The following PRKN variants were observed in gnomAD, a reference collection of about 807,000 sequenced individuals.
PRKN encodes the protein E3 ubiquitin-protein ligase parkin.
Under a neutral mutation model 59.5 loss-of-function variants are expected in PRKN, and 56 were observed. The ratio of observed to expected loss-of-function variants is 0.94; its 90% CI spans 0.76 to 1.18. PRKN has a LOEUF of 1.18. PRKN is among the 50% of genes most tolerant of loss of function. The pLI, the probability that PRKN is intolerant of heterozygous loss-of-function variation, is 0.00. For missense variants in PRKN, 657 were observed against 596.4 expected (o/e 1.10, Z -1.06); for synonymous variants, 250 against 222.1 (o/e 1.13, Z -1.12).
In PRKN at chr6:162,130,790, C is replaced by T. The variant is rs150176347; in HGVS notation, c.534+70341G>A. On this transcript the variant is annotated intron_variant, in intron 4 of 11. Coordinates refer to ENST00000366898, the MANE Select transcript of PRKN (RefSeq NM_004562.3). ...TGTGATACAAGGACATTTATTTCTT[C>T]CTAAACTTAAATTTTCTTATCTGTA... Among the ~76,000 whole-genome samples the T allele has an allele frequency of 9.9e-3, 1,503 of 152,120 alleles. 20 individuals carry two copies. The highest frequency in any genetic ancestry group is 0.013 in the Non-Finnish European group (903 of 68,002).
At chr6:162,705,971 C>T (rs764050258) in intron 1 of PRKN, among the ~76,000 whole-genome samples, 12 of 152,118 alleles carry the variant, frequency 7.9e-5, no homozygotes, top group Non-Finnish European at 1.3e-4. Context: ...AGCAGAAACA[C>T]GGCTTTCTCA....
intron 1 of PRKN, among the ~76,000 whole-genome samples, chr6:162,594,402 ATTAATT>A (rs1430612006): frequency 5.9e-5 from 9 of 152,306 alleles, no homozygotes; most frequent in African/African-American, 1.7e-4. Flanking sequence ...ATCCACTATT[ATTAATT>A]TTAAAAATAC....
chr6:162,578,278 A>C (rs1780643398), intron 1 of PRKN, among the ~76,000 whole-genome samples: 1 of 152,158 alleles, frequency 6.6e-6, no homozygotes, highest in Non-Finnish European at 1.5e-5. Flanking sequence ...CCTCTGTTTT[A>C]ATTAAAAATA....
chr6:161,607,107 G>A (rs1000085584), intron 7 of PRKN, among the ~76,000 whole-genome samples: 3 of 152,132 alleles, frequency 2.0e-5, no homozygotes, highest in Admixed American at 1.3e-4. Flanking sequence ...CACTGGGCAG[G>A]ACATTATTGT....
intron 4 of PRKN, among the ~76,000 whole-genome samples, chr6:162,199,757 T>G (rs145548168): frequency 1.5e-4 from 23 of 152,286 alleles, no homozygotes; most frequent in African/African-American, 5.5e-4. Context: ...TTCATCAAAG[T>G]GAAACACTGA....
chr6:161,899,015 G>A (rs540581132), intron 6 of PRKN, among the ~76,000 whole-genome samples: 1 of 152,350 alleles, frequency 6.6e-6, no homozygotes, highest in South Asian at 2.1e-4. Flanking sequence ...GGGCTCCTCT[G>A]CCCAAAGCAT....
In PRKN at chr6:161,362,162, C is replaced by T. The variant is rs1177436827; in HGVS notation, c.1168-1957G>A. ...ATTTCAAAATGCCATTTTTTAGCAA[C>T]ATGGCATACTGCATGTGAAGGGCAA... On this transcript the variant is annotated intron_variant, in intron 10 of 11. Coordinates refer to ENST00000366898, the MANE Select transcript of PRKN (RefSeq NM_004562.3). The surrounding 1 kb of genome is among the most constrained non-coding windows in gnomAD (Gnocchi z 5.2). 2.0e-5 allele frequency among the ~76,000 whole-genome samples: 3 copies of T among 152,176 alleles called. No individual in the cohort carries two copies. The highest frequency in any genetic ancestry group is 7.2e-5 in the African/African-American group (3 of 41,454).
In PRKN at chr6:161,545,498, G is replaced by A. The variant is rs1779765060; in HGVS notation, c.1083+3356C>T. 8.3e-7 allele frequency: 1 copy of A among 1,199,446 alleles called. No homozygotes were observed. The highest frequency in any genetic ancestry group is 1.2e-5 in the South Asian group (1 of 80,872). The allele number at this position is 1,199,446 out of a possible 1,614,324, so 74.3% of individuals were successfully genotyped here. A position where few individuals can be genotyped will look rare whatever the true frequency, so the allele number is the denominator to read the frequency against. ...TTCTAACTTTTATGTATTTGGCCAT[G>A]TTCTACTTCTGAAATGACATAATCT... On this transcript the variant is annotated intron_variant, in intron 9 of 11. Transcript: ENST00000366898. This position sits in a 1 kb window ranked among gnomAD's most constrained non-coding sequence, Gnocchi z 4.1.
intron 5 of PRKN, among the ~76,000 whole-genome samples, chr6:162,034,168 C>CATATATAT (rs747375762): frequency 4.2e-4 from 56 of 132,126 alleles, no homozygotes; most frequent in Admixed American, 7.0e-4. Flanking sequence ...TGTACACATA[C>CATATATAT]ATATATATAT....
In PRKN at chr6:162,101,075, C is replaced by T. The variant is rs115033792; in HGVS notation, c.535-46901G>A. ...TTGTTGCGTGGCTGATACAGAAGTT[C>T]TTTAGTTTGATGCATTCCCACCTAT... On this transcript the variant is annotated intron_variant, in intron 4 of 11. Coordinates refer to ENST00000366898, the MANE Select transcript of PRKN (RefSeq NM_004562.3). 3.7e-3 allele frequency among the ~76,000 whole-genome samples: 570 copies of T among 152,096 alleles called. 7 individuals carry two copies. The highest frequency in any genetic ancestry group is 0.013 in the African/African-American group (538 of 41,526).
chr6:162,031,946 A>T (rs554877322), intron 5 of PRKN, among the ~76,000 whole-genome samples: 2 of 152,316 alleles, frequency 1.3e-5, no homozygotes, highest in Non-Finnish European at 2.9e-5. Context: ...TTGTTCTACT[A>T]ACTACATGTG....
At chr6:161,990,623 G>C (rs941279364) in intron 5 of PRKN, among the ~76,000 whole-genome samples, 1 of 152,036 alleles carries the variant, frequency 6.6e-6, no homozygotes, top group African/African-American at 2.4e-5. Context: ...AAATACAATT[G>C]AGGGCTTCAA....
chr6:162,246,105 G>T (rs1446118946), intron 3 of PRKN, among the ~76,000 whole-genome samples: 1 of 152,138 alleles, frequency 6.6e-6, no homozygotes, highest in Admixed American at 6.6e-5. Context: ...CCTCCGTTGT[G>T]TGAAATGTTT....
chr6:161,532,406 G>C (rs537738), intron 9 of PRKN, among the ~76,000 whole-genome samples: 1 of 151,720 alleles, frequency 6.6e-6, no homozygotes, highest in Admixed American at 6.6e-5. Context: ...GTGTGTATGA[G>C]TGTGGGTGTA....
intron 7 of PRKN, among the ~76,000 whole-genome samples, chr6:161,765,513 A>G (rs560696018): frequency 6.6e-6 from 1 of 152,332 alleles, no homozygotes; most frequent in African/African-American, 2.4e-5. Context: ...AGTATGCTAT[A>G]CTTAGCATGA....
chr6:161,500,880 T>TC (rs1777936284), intron 9 of PRKN, among the ~76,000 whole-genome samples: 1 of 147,392 alleles, frequency 6.8e-6, no homozygotes, highest in Non-Finnish European at 1.5e-5. Context: ...TTTTTTCTTT[T>TC]TTTTTTTTTT....
intron 2 of PRKN, among the ~76,000 whole-genome samples, chr6:162,368,043 AGC>A (rs1202919520): frequency 6.6e-6 from 1 of 152,110 alleles, no homozygotes; most frequent in Non-Finnish European, 1.5e-5. Context: ...AGAAAATGAC[AGC>A]GCCTTTCCCC....
intron 7 of PRKN, among the ~76,000 whole-genome samples, chr6:161,778,272 T>C (rs996892700): frequency 6.6e-6 from 1 of 152,054 alleles, no homozygotes; most frequent in African/African-American, 2.4e-5. Context: ...CCAAACAAAT[T>C]CAAAGAACAT....
At chr6:162,450,328 C>CACCCCT in intron 1 of PRKN, among the ~76,000 whole-genome samples, 1 of 95,630 alleles carries the variant, frequency 1.0e-5, no homozygotes, top group South Asian at 3.4e-4. Context: ...TGAATGTAAA[C>CACCCCT]GCCCCTGTGA....
Sources: allele counts gnomAD v4.1 joint callset (sites outside exome capture counted in the v4.1 genomes callset), GRCh38; gene constraint gnomAD v4.1.1; non-coding constraint Gnocchi (gnomAD v3.1); transcripts MANE v1.5; gene names NCBI Gene and HGNC (gene_info 2026-07-23, HGNC 2026-07-21).